GPD2: variants seen among roughly 807,000 people sequenced by gnomAD.
The protein encoded by GPD2 is glycerol-3-phosphate dehydrogenase, mitochondrial.
A neutral mutation model predicts 82.4 loss-of-function variants in GPD2; 54 were observed. The observed-to-expected ratio is 0.66, with a 90% CI of 0.53 to 0.82. The LOEUF (loss-of-function observed/expected upper bound fraction) is 0.82, where lower values mean the gene tolerates loss of function less well. Ranked by LOEUF, GPD2 falls within the 40% of genes least tolerant of loss-of-function variation. GPD2 has a pLI of 0.00. For missense variants in GPD2, 748 were observed against 896.2 expected, an observed-to-expected ratio of 0.83 and a Z score of 2.11; for synonymous variants, 288 against 306.1, an observed-to-expected ratio of 0.94 and a Z score of 0.62.
intron 6 of GPD2, among the ~76,000 whole-genome samples, chr2:156,516,509 G>C (rs893711903): frequency 2.0e-5 from 3 of 152,216 alleles, no homozygotes; most frequent in Non-Finnish European, 4.4e-5. Context: ...CATGATCATA[G>C]CTTCCCACAG....
intron 6 of GPD2, among the ~76,000 whole-genome samples, chr2:156,536,835 A>G (rs77543457): frequency 0.015 from 2,247 of 152,306 alleles, 63 homozygotes; most frequent in African/African-American, 0.05. Context: ...TAAGCAGATT[A>G]ATAGTTTTCT....
the GPD2 span, among the ~76,000 whole-genome samples, chr2:156,423,936 G>A: frequency 6.6e-6 from 1 of 152,178 alleles, no homozygotes; most frequent in African/African-American, 2.4e-5. Flanking sequence ...AAGCAGTGAA[G>A]CCCAAATAAT....
intron 13 of GPD2, among the ~76,000 whole-genome samples, chr2:156,574,778 G>A (rs1301265595): frequency 6.6e-6 from 1 of 152,040 alleles, no homozygotes; most frequent in African/African-American, 2.4e-5. Flanking sequence ...GGTATTGTTT[G>A]GGTGTTGGGG....
At chr2:156,427,285 T>C in the GPD2 span, among the ~76,000 whole-genome samples, 1 of 152,244 alleles carries the variant, frequency 6.6e-6, no homozygotes, top group Non-Finnish European at 1.5e-5. Context: ...CTGAGTGGTA[T>C]AGCCATCTGT....
chr2:156,569,235 A>G, intron 10 of GPD2, 128 bp from the exon 11 acceptor site: 1 of 722,874 alleles, frequency 1.4e-6, no homozygotes, highest in Non-Finnish European at 2.5e-6. Flanking sequence ...TTCTGAATTA[A>G]GTTTTACACA....
At chr2:156,427,819 A>C in the GPD2 span, among the ~76,000 whole-genome samples, 1 of 152,210 alleles carries the variant, frequency 6.6e-6, no homozygotes. Context: ...AGGGGTCAGC[A>C]GGGCTGCACT....
intron 1 of GPD2, among the ~76,000 whole-genome samples, chr2:156,473,914 C>T (rs748905441): frequency 2.6e-5 from 4 of 151,440 alleles, no homozygotes; most frequent in Non-Finnish European, 5.9e-5. Context: ...AGCCAGCATA[C>T]ACCAACTTTC....
At chr2:156,457,748 A>G (rs1400281954) in intron 1 of GPD2, among the ~76,000 whole-genome samples, 2 of 152,236 alleles carry the variant, frequency 1.3e-5, no homozygotes, top group African/African-American at 4.8e-5. Flanking sequence ...TCTCGTAACA[A>G]TAGTCTTCTA....
chr2:156,482,469 C>A (rs1166075347), intron 2 of GPD2, among the ~76,000 whole-genome samples: 1 of 151,810 alleles, frequency 6.6e-6, no homozygotes, highest in Non-Finnish European at 1.5e-5. Context: ...AATATAGTTC[C>A]TTTGATAAAT....
the GPD2 span, among the ~76,000 whole-genome samples, chr2:156,418,729 T>C: frequency 6.9e-4 from 105 of 152,276 alleles, no homozygotes; most frequent in African/African-American, 2.4e-3. Flanking sequence ...AAAGCTTTCA[T>C]ACAATCCTGG....
At chr2:156,464,951 A>C (rs1258630437) in intron 1 of GPD2, among the ~76,000 whole-genome samples, 2 of 152,044 alleles carry the variant, frequency 1.3e-5, no homozygotes, top group Non-Finnish European at 2.9e-5. Context: ...CCTGGGTTCA[A>C]GTGATTCTCC....
Position 156,549,683 on chromosome 2 carries a change from A to T in GPD2, c.737A>T (p.Tyr246Phe). ...AGGTATGGGGCTGCCACAGCCAATT[A>T]CATGGAGGTAGTGAGCTTGCTCAAG... ...AARYGAATAN[Y>F]MEVVSLLKKT... The change falls in exon 7 of 17, where the codon TAC becomes TTC. Residue 246 changes from tyrosine (Y) to phenylalanine (F), a missense_variant. Tyr to Phe is a conservative substitution (Grantham distance 22, BLOSUM62 3). This residue lies in a region of GPD2 where 692 missense variants were observed against 809.7 expected (regional missense o/e 0.85). Coordinates refer to ENST00000438166, the MANE Select transcript of GPD2 (RefSeq NM_000408.5). 6.2e-7 allele frequency: 1 copy of T among 1,613,854 alleles called. No homozygotes were observed. The highest frequency in any genetic ancestry group is 8.5e-7 in the Non-Finnish European group (1 of 1,179,708).
Position 156,557,401 on chromosome 2 carries a change from G to A in GPD2, c.984G>A (p.Met328Ile). ...CTTTGTATCTCAGCCCAGAGAGCAT[G>A]GGACTTCTTGACCCAGCGACCAGTG... ...VMPGYYSPESMGLLDPATSDG... is the reference protein window; with the variant it reads ...VMPGYYSPESIGLLDPATSDG... Residue 328 changes from methionine (M) to isoleucine (I), a missense_variant, in exon 9 of 17, where the codon ATG (methionine) becomes ATA (isoleucine). Around this residue, in one of 3 missense-constraint regions of GPD2, gnomAD observed 692 missense variants for 809.7 expected, o/e 0.85. Coordinates refer to ENST00000438166, the MANE Select transcript of GPD2 (RefSeq NM_000408.5). 1.2e-6 allele frequency: 2 copies of A among 1,600,052 alleles called. No homozygotes were observed. The highest frequency in any genetic ancestry group is 1.7e-6 in the Non-Finnish European group (2 of 1,167,610).
intron 6 of GPD2, among the ~76,000 whole-genome samples, chr2:156,545,659 A>T (rs1686501226): frequency 6.6e-6 from 1 of 152,246 alleles, no homozygotes; most frequent in Admixed American, 6.5e-5. Flanking sequence ...AAGGAAGCTT[A>T]TATGTAGACT....
chr2:156,466,192 G>A (rs1047067059), intron 1 of GPD2, among the ~76,000 whole-genome samples: 3 of 152,124 alleles, frequency 2.0e-5, no homozygotes, highest in African/African-American at 7.2e-5. Context: ...AGGATTGTAC[G>A]ACTTTAAACA....
At chr2:156,414,495 T>G in the GPD2 span, among the ~76,000 whole-genome samples, 1 of 152,178 alleles carries the variant, frequency 6.6e-6, no homozygotes, top group South Asian at 2.1e-4. Context: ...TATAGATATA[T>G]CTAAATGTGT....
In GPD2 at chr2:156,462,674, G is replaced by A. The variant is rs77975759; in HGVS notation, c.-8-13424G>A. 2.0e-3 allele frequency among the ~76,000 whole-genome samples: 308 copies of A among 152,098 alleles called. 13 individuals carry two copies. The East Asian group carries it at 0.055, about 27-fold the overall frequency. On this transcript the variant is annotated intron_variant, in intron 1 of 16. Transcript: ENST00000438166. ...ACAGTGTGTACAGCAAAATCCAGAT[G>A]TTTTCTAGTAAGCTCCACTAACCTG... is the stretch of plus-strand genomic sequence containing the variant.
the GPD2 span, among the ~76,000 whole-genome samples, chr2:156,413,730 C>T: frequency 6.6e-6 from 1 of 151,634 alleles, no homozygotes; most frequent in Non-Finnish European, 1.5e-5. Flanking sequence ...CAAGGTGAGA[C>T]CCTGTCTCTA....
chr2:156,400,758 G>C, the GPD2 span, among the ~76,000 whole-genome samples: 1 of 152,220 alleles, frequency 6.6e-6, no homozygotes, highest in Admixed American at 6.5e-5. Context: ...CCAGAAATAT[G>C]CTTTCGGCTG....
Sources: allele counts gnomAD v4.1 joint callset (sites outside exome capture counted in the v4.1 genomes callset), GRCh38; gene constraint gnomAD v4.1.1; regional missense constraint gnomAD v4.1.1; transcripts MANE v1.5; gene names NCBI Gene and HGNC (gene_info 2026-07-23, HGNC 2026-07-21).